Variants in MAP3K4 observed in about 807,000 individuals in gnomAD.
The protein encoded by MAP3K4 is MAP three kinase 1.
MAP3K4 carries 67 observed loss-of-function variants against 185.6 expected under a neutral mutation model. The observed-to-expected ratio is 0.36, with a 90% CI of 0.30 to 0.44. The LOEUF is 0.44. Ranked by LOEUF, MAP3K4 falls within the 20% of genes least tolerant of loss-of-function variation. The pLI, the probability that MAP3K4 is intolerant of heterozygous loss-of-function variation, is 1.00. For synonymous variants in MAP3K4, 702 were observed against 710.4 expected, an observed-to-expected ratio of 0.99 and a Z score of 0.19; for missense variants, 1,551 against 1,995.1, an observed-to-expected ratio of 0.78 and a Z score of 4.24.
intron 1 of MAP3K4, among the ~76,000 whole-genome samples, chr6:161,005,693 A>G (rs1781552121): frequency 6.6e-6 from 1 of 152,244 alleles, no homozygotes; most frequent in Admixed American, 6.5e-5. Context: ...TATTTGATTA[A>G]TAAACATGTA....
At chr6:161,010,467 A>G (rs952019892) in intron 1 of MAP3K4, among the ~76,000 whole-genome samples, 1 of 150,636 alleles carries the variant, frequency 6.6e-6, no homozygotes, top group Non-Finnish European at 1.5e-5. Context: ...TTGGTTCAAA[A>G]CTATAGGTAT....
At position 161,007,940 on chromosome 6, in the gene MAP3K4, T is replaced by G. The variant is rs9458082; in HGVS notation, c.152+15857T>G. Among the ~76,000 whole-genome samples, 4,286 of 152,282 alleles carry G rather than the reference T, an allele frequency of 0.028. 137 individuals are homozygous for G. Among genetic ancestry groups the G allele is most frequent in the African/African-American group, 0.076 (3,158 of 41,542 alleles). On this transcript the variant is annotated intron_variant, in intron 1 of 26. Transcript: ENST00000392142. The surrounding 1 kb of genome is among the most constrained non-coding windows in gnomAD (Gnocchi z 4.5). ...GATGTTAAAATTAGGGAAAAACGTG[T>G]GTTTTAAAATCAGTGAAGTATGGCC... is the stretch of plus-strand genomic sequence containing the variant.
chr6:161,087,834 G>A lies in MAP3K4; in HGVS notation c.2703G>A (p.Leu901=), dbSNP rs140738226. 2.1e-5 allele frequency: 34 copies of A among 1,614,126 alleles called. No homozygotes were observed. In the East Asian group the frequency reaches 7.1e-4, roughly 34 times the overall value. ...ATGACGTACTCATCGATGCCTATCT[G>A]CTTCTGACCAAGCACGGTGATCGAG... The part of the protein sequence containing the change: ...DSDDVLIDAY[L]LLTKHGDRAR... The change falls in exon 10 of 27, where the codon CTG becomes CTA. Residue 901 remains leucine, a synonymous_variant. Transcript: ENST00000392142. The surrounding 1 kb of genome is among the most constrained non-coding windows in gnomAD (Gnocchi z 4.9).
chr6:161,006,108 A>G (rs1781572943), intron 1 of MAP3K4, among the ~76,000 whole-genome samples: 1 of 152,242 alleles, frequency 6.6e-6, no homozygotes, highest in Non-Finnish European at 1.5e-5. Flanking sequence ...TTATTAAACC[A>G]ACAATATAAA....
At position 161,089,339 on chromosome 6, in the gene MAP3K4, A is replaced by G. The variant is rs770939820; in HGVS notation, c.2841A>G (p.Leu947=). The part of the protein sequence containing the change: ...LRSMQVDNLL[L]VVMQSAHLTI... ...CCTCCCAGGTGGATAATCTTTTACT[A>G]GTTGTCATGCAGTCTGCGCATCTCA... The change falls in exon 11 of 27, where the codon CTA becomes CTG. Residue 947 remains leucine, a synonymous_variant. Transcript: ENST00000392142. 3 of 1,613,600 alleles carry G rather than the reference A, an allele frequency of 1.9e-6. No homozygotes were observed. The highest frequency in any genetic ancestry group is 1.6e-4 in the Middle Eastern group (1 of 6,070).
intron 2 of MAP3K4, among the ~76,000 whole-genome samples, chr6:161,047,574 G>A (rs1477878428): frequency 4.6e-5 from 7 of 152,034 alleles, no homozygotes; most frequent in East Asian, 1.9e-4. Flanking sequence ...TTGAGATGGC[G>A]TTATAGGTTT....
rs764128806 is a variant in MAP3K4 at position 161,106,648 on chromosome 6, G to A, written c.3991G>A (p.Val1331Ile). ...TGATACGCCTAAGTCCTATGATAAT[G>A]TTATGCACGTTGGCTTGAGGAAGGT... ...VCDTPKSYDN[V>I]MHVGLRKVTF... is the part of the protein sequence containing the mutation. Residue 1331 changes from valine (V) to isoleucine (I), a missense_variant, in exon 20 of 27, where the codon GTT becomes ATT. This residue lies in a region of MAP3K4 where 272 missense variants were observed against 301.2 expected (regional missense o/e 0.90). Coordinates refer to ENST00000392142, the MANE Select transcript of MAP3K4 (RefSeq NM_005922.4). The surrounding 1 kb of genome is among the most constrained non-coding windows in gnomAD (Gnocchi z 4.9). 29 of 1,613,218 alleles carry A rather than the reference G, an allele frequency of 1.8e-5. No individual in the cohort carries two copies. The highest frequency in any genetic ancestry group is 2.3e-5 in the Non-Finnish European group (27 of 1,179,780).
rs1785411476 is a variant in MAP3K4, at chr6:161,080,739, C to A, written c.2098-142C>A. On this transcript the variant is annotated intron_variant, in intron 5 of 26. Coordinates refer to ENST00000392142, the MANE Select transcript of MAP3K4 (RefSeq NM_005922.4). The surrounding 1 kb of genome is among the most constrained non-coding windows in gnomAD (Gnocchi z 4.8). ...AGACCTCAGCTAACAGTGGTGAGAA[C>A]CTTGCTTCTGTCGGTGCTGCGTGCC... 2 of 669,068 alleles carry A rather than the reference C, an allele frequency of 3.0e-6. No individual in the cohort carries two copies. The highest frequency in any genetic ancestry group is 2.8e-5 in the Admixed American group (1 of 35,972). 41.4% of individuals were successfully genotyped at this position (669,068 alleles called of 1,614,324 possible). A position where few individuals can be genotyped will look rare whatever the true frequency, so the allele number is the denominator to read the frequency against.
chr6:161,030,715 G>A (rs1334216416), intron 1 of MAP3K4, among the ~76,000 whole-genome samples: 1 of 152,044 alleles, frequency 6.6e-6, no homozygotes, highest in Non-Finnish European at 1.5e-5. Context: ...GCACTTGGCT[G>A]GTAATTTTTT....
Position 161,022,584 on chromosome 6 carries a change from G to A in MAP3K4, c.153-11675G>A, listed in dbSNP as rs1782452774. Among the ~76,000 whole-genome samples the A allele has an allele frequency of 6.6e-6, 1 of 152,182 alleles. No individual in the cohort carries two copies. On this transcript the variant is annotated intron_variant, in intron 1 of 26. Coordinates refer to ENST00000392142, the MANE Select transcript of MAP3K4 (RefSeq NM_005922.4). This position sits in a 1 kb window ranked among gnomAD's most constrained non-coding sequence, Gnocchi z 4.2. ...CCCACAGGAGAAGTGATCCTTATCA[G>A]TGTGAGCTACAAGTGAATGGTCTGC...
intron 1 of MAP3K4, among the ~76,000 whole-genome samples, chr6:161,029,204 C>A (rs573956654): frequency 1.4e-4 from 21 of 148,242 alleles, no homozygotes; most frequent in Admixed American, 1.4e-3. Context: ...CCATTTATTT[C>A]GAAGGATGTC....
chr6:161,112,662 T>G lies in MAP3K4; in HGVS notation c.4520-6T>G. 1 of 1,557,422 alleles carries G rather than the reference T, an allele frequency of 6.4e-7. No homozygotes were observed. The highest frequency in any genetic ancestry group is 2.3e-5 in the East Asian group (1 of 43,642). ...ATTACTCTCAACATATCTGTGACTT[T>G]TAAAGCATACATGGCACCTGAAGTC... is the stretch of plus-strand genomic sequence containing the variant. On this transcript the variant is annotated splice_polypyrimidine_tract_variant and splice_region_variant and intron_variant, in intron 24 of 26. Coordinates refer to ENST00000392142, the MANE Select transcript of MAP3K4 (RefSeq NM_005922.4). This position sits in a 1 kb window ranked among gnomAD's most constrained non-coding sequence, Gnocchi z 5.1.
chr6:161,001,521 A>G (rs927294108), intron 1 of MAP3K4, among the ~76,000 whole-genome samples: 1 of 152,074 alleles, frequency 6.6e-6, no homozygotes, highest in Non-Finnish European at 1.5e-5. Flanking sequence ...ATTTGTAATT[A>G]TATATTTGTG....
In MAP3K4 at chr6:161,087,177, C is replaced by T. The variant is rs775559824; in HGVS notation, c.2556+510C>T. Among the ~76,000 whole-genome samples the T allele has an allele frequency of 6.6e-6, 1 of 152,132 alleles. No individual in the cohort carries two copies. The highest frequency in any genetic ancestry group is 6.5e-5 in the Admixed American group (1 of 15,268). ...TTATCCCAAGCCCACAGTTGTATCC[C>T]GCTCCCATACTGAGAGTGGGAGGGA... On this transcript the variant is annotated intron_variant, in intron 9 of 26. Coordinates refer to ENST00000392142, the MANE Select transcript of MAP3K4 (RefSeq NM_005922.4). The surrounding 1 kb of genome is among the most constrained non-coding windows in gnomAD (Gnocchi z 4.9).
rs1208802306 is a variant in MAP3K4 at position 161,112,816 on chromosome 6, GCAC to G, written c.4626+43_4626+45del. 1 of 1,378,840 alleles carries G rather than the reference GCAC, an allele frequency of 7.3e-7. No individual in the cohort carries two copies. The highest frequency in any genetic ancestry group is 1.5e-5 in the South Asian group (1 of 68,540). The allele number at this position is 1,378,840 out of a possible 1,614,324, so 85.4% of individuals were successfully genotyped here. ...CACCTGGCGGAGCAACTTCAGAAGG[GCAC>G]TGTGCATTAACAGAACAGTAGTTAT... On this transcript the variant is annotated intron_variant, in intron 25 of 26. Coordinates refer to ENST00000392142, the MANE Select transcript of MAP3K4 (RefSeq NM_005922.4). This position sits in a 1 kb window ranked among gnomAD's most constrained non-coding sequence, Gnocchi z 5.1.
rs765773794 is a variant in MAP3K4, at chr6:161,049,641, A to G, written c.1369A>G (p.Ser457Gly). The G allele has an allele frequency of 6.8e-6, 11 of 1,614,188 alleles. No individual in the cohort carries two copies. In the South Asian group the frequency reaches 1.2e-4, roughly 18 times the overall value. ...AGGAGAATTAAAGGAGTTGGAAAGT[A>G]GTACGGATGAGAGTGAAGAAGAACA... is the stretch of plus-strand genomic sequence containing the variant. ...TEGELKELES[S>G]TDESEEEQIS... Residue 457 changes from serine to glycine, a missense_variant, in exon 3 of 27, where the codon AGT becomes GGT. By Grantham distance (56) the Ser-to-Gly change is moderately conservative. Transcript: ENST00000392142. The surrounding 1 kb of genome is among the most constrained non-coding windows in gnomAD (Gnocchi z 8.4).
Position 161,112,327 on chromosome 6 carries a change from A to G in MAP3K4, c.4520-341A>G, listed in dbSNP as rs1437349771. On this transcript the variant is annotated intron_variant, in intron 24 of 26. Coordinates refer to ENST00000392142, the MANE Select transcript of MAP3K4 (RefSeq NM_005922.4). The surrounding 1 kb of genome is among the most constrained non-coding windows in gnomAD (Gnocchi z 5.1). ...CTCGTTGGCTGCCTGCCTGTCCACT[A>G]CCTTGTCTAAACAACACTATGATTA... 6.6e-6 allele frequency among the ~76,000 whole-genome samples: 1 copy of G among 152,146 alleles called. No homozygotes were observed. The highest frequency in any genetic ancestry group is 2.4e-5 in the African/African-American group (1 of 41,412).
At chr6:161,068,621 A>G (rs1402903569) in intron 3 of MAP3K4, among the ~76,000 whole-genome samples, 1 of 152,250 alleles carries the variant, frequency 6.6e-6, no homozygotes, top group Non-Finnish European at 1.5e-5. Context: ...TTGAGAGGTC[A>G]GTGGATTGAC....
Position 161,086,525 on chromosome 6 carries a change from T to C in MAP3K4, c.2472+47T>C. On this transcript the variant is annotated intron_variant, in intron 8 of 26. Coordinates refer to ENST00000392142, the MANE Select transcript of MAP3K4 (RefSeq NM_005922.4). This position sits in a 1 kb window ranked among gnomAD's most constrained non-coding sequence, Gnocchi z 4.8. ...ATTAGTACCTTTTTTCTTGTTTTTC[T>C]TTTATCTTATTTTTTTAATGCTAAC... 1 of 1,601,366 alleles carries C rather than the reference T, an allele frequency of 6.2e-7. No homozygotes were observed. Among genetic ancestry groups the C allele is most frequent in the Non-Finnish European group, 8.5e-7 (1 of 1,171,962 alleles).
Sources: gnomAD v4.1 joint callset for allele counts (sites outside exome capture counted in the v4.1 genomes callset) on GRCh38, gnomAD v4.1.1 for gene constraint, gnomAD v4.1.1 regional missense constraint, Gnocchi (gnomAD v3.1) non-coding constraint, MANE v1.5 for transcripts, NCBI Gene and HGNC (gene_info 2026-07-23, HGNC 2026-07-21) for gene names.